Variants in DOCK2 observed in about 807,000 individuals in gnomAD.
DOCK2 encodes the protein dedicator of cytokinesis 2.
In DOCK2, 87 loss-of-function variants were observed where a neutral mutation model predicts 248.9. That is an observed-to-expected ratio of 0.35 (90% CI 0.29 to 0.42). The LOEUF is 0.42. Ranked by LOEUF, DOCK2 falls within the 10% of genes least tolerant of loss-of-function variation. The probability of loss-of-function intolerance (pLI) is 1.00; values close to 1 mark genes in which losing one functional copy is unlikely to be tolerated. For synonymous variants in DOCK2, 805 were observed against 821.6 expected (o/e 0.98, Z 0.35); for missense variants, 1,747 against 2,300.2 (o/e 0.76, Z 4.92).
In DOCK2 at chr5:169,804,493, CGCGTGCGCGT is replaced by C. The variant is rs767149516; in HGVS notation, c.2703+1288_2703+1297del. On this transcript the variant is annotated intron_variant, in intron 26 of 51. Coordinates refer to ENST00000520908, the MANE Select transcript of DOCK2 (RefSeq NM_004946.3). ...GTGTGTGTGTGTGTGTGTGCGCGCGCGCGTGCGCGTAAGCATTTTTGTCAAGGAAGCCTAC... is the reference window on the plus strand; with the variant it reads ...GTGTGTGTGTGTGTGTGTGCGCGCGCAAGCATTTTTGTCAAGGAAGCCTAC... Among the ~76,000 whole-genome samples, 173 of 50,948 alleles carry C rather than the reference CGCGTGCGCGT, an allele frequency of 3.4e-3. 3 individuals are homozygous for C. Among genetic ancestry groups the C allele is most frequent in the Non-Finnish European group, 7.4e-3 (130 of 17,582 alleles). 33.4% of individuals were successfully genotyped at this position (50,948 alleles called of 152,430 possible).
chr5:169,908,544 A>T (rs1390118279), intron 27 of DOCK2, among the ~76,000 whole-genome samples: 1 of 152,140 alleles, frequency 6.6e-6, no homozygotes, highest in African/African-American at 2.4e-5. Flanking sequence ...GAGGAAAATA[A>T]ATCCTTAAAG....
intron 30 of DOCK2, chr5:170,000,476 T>C (rs763910762): frequency 1.3e-5 from 2 of 152,212 alleles, no homozygotes; most frequent in South Asian, 4.1e-4. Context: ...CTCTTTTCAC[T>C]CTTCTGCTCT....
chr5:169,790,139 T>C (rs192183240), intron 25 of DOCK2, among the ~76,000 whole-genome samples: 1 of 152,228 alleles, frequency 6.6e-6, no homozygotes, highest in East Asian at 1.9e-4. Context: ...CCAGGATAAT[T>C]TTCTCATTTA....
At chr5:169,928,085 C>G (rs1421614220) in intron 27 of DOCK2, among the ~76,000 whole-genome samples, 1 of 152,152 alleles carries the variant, frequency 6.6e-6, no homozygotes, top group African/African-American at 2.4e-5. Flanking sequence ...TCCACAGAAG[C>G]AGGATAAGAT....
At chr5:169,840,366 A>G (rs1303158196) in intron 26 of DOCK2, among the ~76,000 whole-genome samples, 1 of 152,212 alleles carries the variant, frequency 6.6e-6, no homozygotes, top group Non-Finnish European at 1.5e-5. Context: ...CCCCACCTCC[A>G]ACACTGGGGA....
At chr5:169,923,262 TG>T (rs1217219027) in intron 27 of DOCK2, among the ~76,000 whole-genome samples, 2 of 152,256 alleles carry the variant, frequency 1.3e-5, no homozygotes, top group Admixed American at 6.5e-5. Flanking sequence ...ATGAGATGTC[TG>T]GGTGGTAAGC....
At chr5:169,824,790 A>C (rs991315696) in intron 26 of DOCK2, among the ~76,000 whole-genome samples, 1 of 152,218 alleles carries the variant, frequency 6.6e-6, no homozygotes, top group Non-Finnish European at 1.5e-5. Context: ...AAATAAACTA[A>C]AGAGCTTCTG....
At chr5:170,019,170 T>C (rs192270690) in intron 33 of DOCK2, 62 bp downstream of exon 33, 9 of 1,608,972 alleles carry the variant, frequency 5.6e-6, no homozygotes, top group Non-Finnish European at 7.6e-6. Flanking sequence ...TTCCCCATAA[T>C]GATATCCTCA....
At position 169,983,135 on chromosome 5, in the gene DOCK2, T is replaced by C. The variant is rs188136128; in HGVS notation, c.2867T>C (p.Ile956Thr). 62 of 1,614,066 alleles carry C rather than the reference T, an allele frequency of 3.8e-5. No individual in the cohort carries two copies. The highest frequency in any genetic ancestry group is 8.9e-5 in the East Asian group (4 of 44,886). ...GGTGACCAGCACTACTCCTTCTACATTGAGACCTTCCAGACCAGCTCTGAA... is the reference window on the plus strand; with the variant it reads ...GGTGACCAGCACTACTCCTTCTACACTGAGACCTTCCAGACCAGCTCTGAA... The part of the protein sequence containing the change: ...QMGDQHYSFY[I>T]ETFQTSSELV... Residue 956 changes from isoleucine to threonine, a missense_variant, in exon 28 of 52, where the codon ATT (isoleucine) becomes ACT (threonine). By Grantham distance (89) the Ile-to-Thr change is moderately conservative. Coordinates refer to ENST00000520908, the MANE Select transcript of DOCK2 (RefSeq NM_004946.3).
intron 22 of DOCK2, among the ~76,000 whole-genome samples, chr5:169,722,628 A>G (rs755618519): frequency 1.3e-5 from 2 of 152,228 alleles, no homozygotes; most frequent in Non-Finnish European, 2.9e-5. Context: ...GGGATAAACC[A>G]GTTCATTGTG....
chr5:170,019,516 G>T (rs1239880282), intron 33 of DOCK2, among the ~76,000 whole-genome samples: 1 of 152,058 alleles, frequency 6.6e-6, no homozygotes, highest in Non-Finnish European at 1.5e-5. Context: ...GGCCCTGCTG[G>T]GTGTCACACT....
chr5:169,646,781 T>C (rs1757496616), intron 1 of DOCK2, among the ~76,000 whole-genome samples: 1 of 152,246 alleles, frequency 6.6e-6, no homozygotes, highest in African/African-American at 2.4e-5. Flanking sequence ...AATGTGCTTA[T>C]TTTACTCTGT....
chr5:169,665,437 CATGTTTATATGTATATACACAT>C (rs1257574569), intron 2 of DOCK2, among the ~76,000 whole-genome samples: 1 of 71,946 alleles, frequency 1.4e-5, no homozygotes, highest in African/African-American at 4.3e-5. Flanking sequence ...TGTATATACA[CATGTTTATATGTATATACACAT>C]GTTTATATGT....
intron 25 of DOCK2, among the ~76,000 whole-genome samples, chr5:169,791,176 AG>A (rs1479162013): frequency 6.6e-6 from 1 of 150,690 alleles, no homozygotes; most frequent in East Asian, 1.9e-4. Flanking sequence ...ACTGGATAAC[AG>A]GCATTGTGCT....
rs140500649 is a variant in DOCK2, at chr5:170,005,603, G to A, written c.3073-2894G>A. Among the ~76,000 whole-genome samples the A allele has an allele frequency of 3.4e-4, 52 of 152,254 alleles. No individual in the cohort carries two copies. The East Asian group carries it at 5.8e-3, about 17-fold the overall frequency. On this transcript the variant is annotated intron_variant, in intron 30 of 51. Coordinates refer to ENST00000520908, the MANE Select transcript of DOCK2 (RefSeq NM_004946.3). ...GGGGAGAAGAGGGACTGACTCTTAC[G>A]GGTAGAGGGTTTCTTTTGGCGTGAT...
intron 14 of DOCK2, chr5:169,704,207 TG>T (rs1486629152): frequency 1.3e-5 from 2 of 152,228 alleles, no homozygotes; most frequent in Non-Finnish European, 2.9e-5. Flanking sequence ...AGGAAGCCTG[TG>T]GGAGGCTTTT....
intron 22 of DOCK2, among the ~76,000 whole-genome samples, chr5:169,723,513 A>G (rs1004299368): frequency 2.0e-5 from 3 of 152,138 alleles, no homozygotes; most frequent in Admixed American, 6.5e-5. Flanking sequence ...TTCACTTATC[A>G]TCTTCAGCAG....
intron 2 of DOCK2, among the ~76,000 whole-genome samples, chr5:169,659,522 G>A (rs1758328373): frequency 6.6e-6 from 1 of 152,104 alleles, no homozygotes; most frequent in Non-Finnish European, 1.5e-5. Context: ...GCCCTTCCTT[G>A]CCTATGTACT....
At chr5:169,674,724 T>C (rs1258566851) in intron 6 of DOCK2, among the ~76,000 whole-genome samples, 1 of 152,170 alleles carries the variant, frequency 6.6e-6, no homozygotes, top group Non-Finnish European at 1.5e-5. Context: ...CTAGGGAGCA[T>C]AGTCATGCTG....
Sources: gnomAD v4.1 joint callset for allele counts (sites outside exome capture counted in the v4.1 genomes callset) on GRCh38, gnomAD v4.1.1 for gene constraint, MANE v1.5 for transcripts, NCBI Gene and HGNC (gene_info 2026-07-23, HGNC 2026-07-21) for gene names.